Variants in AKAP6 observed in about 807,000 individuals in gnomAD.
The protein encoded by AKAP6 is A-kinase anchor protein 6.
A neutral mutation model predicts 188.5 loss-of-function variants in AKAP6; 58 were observed. The observed-to-expected ratio is 0.31, with a 90% CI of 0.25 to 0.38. AKAP6 has a LOEUF of 0.38. AKAP6 is among the 10% of genes least tolerant of loss of function. The probability of loss-of-function intolerance (pLI) is 1.00; values close to 1 mark genes in which losing one functional copy is unlikely to be tolerated. For synonymous variants in AKAP6, 989 were observed against 998.6 expected (o/e 0.99, Z 0.18); for missense variants, 2,710 against 2,740.0 (o/e 0.99, Z 0.24).
intron 1 of AKAP6, among the ~76,000 whole-genome samples, chr14:32,349,560 G>C (rs889728903): frequency 3.3e-5 from 5 of 152,100 alleles, no homozygotes; most frequent in Admixed American, 6.6e-5. Context: ...ATACAATTTT[G>C]GATTAGCAGC....
At chr14:32,594,643 T>C (rs1026371859) in intron 5 of AKAP6, among the ~76,000 whole-genome samples, 2 of 151,744 alleles carry the variant, frequency 1.3e-5, no homozygotes, top group Non-Finnish European at 2.9e-5. Flanking sequence ...GAATGGAGAG[T>C]GGTTCTGGGC....
Position 32,822,057 on chromosome 14 carries a change from A to T in AKAP6, c.4244A>T (p.Asp1415Val). 2 of 1,613,936 alleles carry T rather than the reference A, an allele frequency of 1.2e-6. No individual in the cohort carries two copies. The highest frequency in any genetic ancestry group is 1.7e-6 in the Non-Finnish European group (2 of 1,179,952). Reference protein sequence around the residue: ...AVNVLKQKFTDEGESIKLPNS... With the variant: ...AVNVLKQKFTVEGESIKLPNS... The stretch of plus-strand genomic sequence containing the variant: ...AACGTGTTAAAGCAAAAATTTACAG[A>T]TGAGGGGGAAAGCATTAAGCTTCCA... Residue 1415 changes from aspartate (D) to valine (V), a missense_variant, in exon 13 of 14, where the codon GAT (aspartate) becomes GTT (valine). Around this residue, in one of 2 missense-constraint regions of AKAP6, gnomAD observed 2,473 missense variants for 2,426.1 expected, o/e 1.02. Transcript: ENST00000280979.
chr14:32,719,903 GA>G (rs369237930), intron 9 of AKAP6, among the ~76,000 whole-genome samples: 182 of 147,346 alleles, frequency 1.2e-3, no homozygotes, highest in African/African-American at 3.7e-3. Context: ...TGCAATTGTA[GA>G]AAAAAAAAAG....
intron 1 of AKAP6, chr14:32,376,180 T>C (rs1037614566): frequency 2.0e-5 from 3 of 152,266 alleles, no homozygotes; most frequent in African/African-American, 7.2e-5. Context: ...CTAACTTGTC[T>C]ACCAAGTGTT....
In AKAP6 at chr14:32,492,355, T is replaced by TATATAGAGAG; in HGVS notation, c.325-43198_325-43197insTATAGAGAGA. Among the ~76,000 whole-genome samples, 646 of 82,580 alleles carry TATATAGAGAG rather than the reference T, an allele frequency of 7.8e-3. 8 individuals are homozygous for TATATAGAGAG. The highest frequency in any genetic ancestry group is 0.02 in the African/African-American group (609 of 30,222). 54.2% of individuals were successfully genotyped at this position (82,580 alleles called of 152,430 possible). ...ACATTGTAATATATATATATATATA[T>TATATAGAGAG]AGAGAGAGAGAGAGAGAGAGAGAGA... On this transcript the variant is annotated intron_variant, in intron 2 of 13. Transcript: ENST00000280979.
chr14:32,677,578 C>T (rs1889486822), intron 7 of AKAP6, among the ~76,000 whole-genome samples: 1 of 152,086 alleles, frequency 6.6e-6, no homozygotes, highest in Admixed American at 6.6e-5. Context: ...TCTAGGGAAC[C>T]TGAAAGCCAC....
chr14:32,689,408 G>T (rs927956810), intron 8 of AKAP6, among the ~76,000 whole-genome samples: 1 of 151,992 alleles, frequency 6.6e-6, no homozygotes, highest in Non-Finnish European at 1.5e-5. Flanking sequence ...AAGTTTGTAG[G>T]CTTGATTTTA....
intron 2 of AKAP6, among the ~76,000 whole-genome samples, chr14:32,519,521 CA>C (rs757225116): frequency 2.0e-5 from 3 of 149,148 alleles, no homozygotes; most frequent in Non-Finnish European, 4.5e-5. Flanking sequence ...AAATGGAAAA[CA>C]AAAAAAAAGC....
At chr14:32,762,294 G>A (rs1202659228) in intron 11 of AKAP6, among the ~76,000 whole-genome samples, 1 of 152,036 alleles carries the variant, frequency 6.6e-6, no homozygotes, top group Non-Finnish European at 1.5e-5. Flanking sequence ...CAATCTGTAA[G>A]CTATTACAGT....
chr14:32,800,967 T>G (rs925813717), intron 12 of AKAP6, among the ~76,000 whole-genome samples: 1 of 152,108 alleles, frequency 6.6e-6, no homozygotes, highest in East Asian at 1.9e-4. Context: ...CAGTGAGCCA[T>G]GATTGTACCA....
chr14:32,349,282 T>A (rs972664446), intron 1 of AKAP6, among the ~76,000 whole-genome samples: 4 of 152,176 alleles, frequency 2.6e-5, no homozygotes, highest in Non-Finnish European at 5.9e-5. Context: ...TTTTCTTTTC[T>A]TTTTAGTGCC....
chr14:32,670,444 T>C (rs1022379236), intron 7 of AKAP6, among the ~76,000 whole-genome samples: 14 of 152,206 alleles, frequency 9.2e-5, no homozygotes, highest in Admixed American at 2.0e-4. Flanking sequence ...GGGATACTAT[T>C]AGGAGGAAAG....
chr14:32,512,689 A>G (rs1398177834), intron 2 of AKAP6, among the ~76,000 whole-genome samples: 5 of 152,200 alleles, frequency 3.3e-5, no homozygotes, highest in African/African-American at 4.8e-5. Context: ...CGATAACTTT[A>G]GTCTTGCTTT....
intron 2 of AKAP6, 197 bp downstream of exon 2, chr14:32,434,014 G>T (rs1196258936): frequency 6.9e-6 from 4 of 579,278 alleles, no homozygotes; most frequent in Non-Finnish European, 1.2e-5. Flanking sequence ...TGATTATCTA[G>T]AATACAACTG....
chr14:32,427,166 C>T (rs147792748), intron 1 of AKAP6, among the ~76,000 whole-genome samples: 1 of 152,254 alleles, frequency 6.6e-6, no homozygotes, highest in East Asian at 1.9e-4. Context: ...TGCAGTCCTT[C>T]TCCTCACTGA....
At chr14:32,683,405 A>C (rs1393140496) in intron 8 of AKAP6, among the ~76,000 whole-genome samples, 5 of 152,186 alleles carry the variant, frequency 3.3e-5, no homozygotes, top group Non-Finnish European at 4.4e-5. Flanking sequence ...CTGAAGCCAG[A>C]AAGTATCAGT....
At chr14:32,728,399 G>A (rs888889015) in intron 9 of AKAP6, among the ~76,000 whole-genome samples, 22 of 144,800 alleles carry the variant, frequency 1.5e-4, no homozygotes, top group Non-Finnish European at 1.1e-4. Context: ...TCTATCAATC[G>A]TATCTATCAG....
chr14:32,777,661 G>A (rs1014992360), intron 12 of AKAP6, among the ~76,000 whole-genome samples: 25 of 152,092 alleles, frequency 1.6e-4, no homozygotes, highest in Non-Finnish European at 4.4e-5. Flanking sequence ...AAAAGACAGA[G>A]CAAAATAAAA....
chr14:32,510,475 T>C lies in AKAP6; in HGVS notation c.325-25079T>C, dbSNP rs548802348. On this transcript the variant is annotated intron_variant, in intron 2 of 13. Coordinates refer to ENST00000280979, the MANE Select transcript of AKAP6 (RefSeq NM_004274.5). ...ACATATATATGTGTATATATATATA[T>C]ACATATATATATGTGTATATATATA... 2.6e-3 allele frequency among the ~76,000 whole-genome samples: 328 copies of C among 125,174 alleles called. 8 individuals are homozygous for C. The highest frequency in any genetic ancestry group is 7.1e-3 in the African/African-American group (194 of 27,220). 82.1% of individuals were successfully genotyped at this position (125,174 alleles called of 152,430 possible).
Sources: allele counts gnomAD v4.1 joint callset (sites outside exome capture counted in the v4.1 genomes callset), GRCh38; gene constraint gnomAD v4.1.1; regional missense constraint gnomAD v4.1.1; transcripts MANE v1.5; gene names NCBI Gene and HGNC (gene_info 2026-07-23, HGNC 2026-07-21).